KCNK10: variants seen among roughly 807,000 people sequenced by gnomAD.
KCNK10 encodes the protein potassium two pore domain channel subfamily K member 10.
Under a neutral mutation model 47.7 loss-of-function variants are expected in KCNK10, and 25 were observed. The observed-to-expected ratio is 0.52, with a 90% CI of 0.38 to 0.73. The LOEUF (loss-of-function observed/expected upper bound fraction) is 0.73. Ranked by LOEUF, KCNK10 falls within the 30% of genes least tolerant of loss-of-function variation. KCNK10 has a pLI of 0.00. For missense variants in KCNK10, 563 were observed against 714.5 expected, an observed-to-expected ratio of 0.79 and a Z score of 2.42; for synonymous variants, 303 against 285.6, an observed-to-expected ratio of 1.06 and a Z score of -0.61.
At chr14:88,223,111 TC>T (rs1391157727) in intron 4 of KCNK10, among the ~76,000 whole-genome samples, 4 of 152,102 alleles carry the variant, frequency 2.6e-5, no homozygotes, top group Non-Finnish European at 4.4e-5. Context: ...ACAAGAGCTA[TC>T]ATAAAAGACT....
At chr14:88,261,119 T>A (rs1887098728) in intron 2 of KCNK10, among the ~76,000 whole-genome samples, 1 of 152,226 alleles carries the variant, frequency 6.6e-6, no homozygotes, top group Non-Finnish European at 1.5e-5. Flanking sequence ...ATTTATCTAA[T>A]GGGCAATAAT....
In KCNK10 at chr14:88,260,783, T is replaced by G. The variant is rs555612182; in HGVS notation, c.402+2419A>C. Among the ~76,000 whole-genome samples, 54 of 152,298 alleles carry G rather than the reference T, an allele frequency of 3.5e-4. No individual in the cohort carries two copies. Among genetic ancestry groups the G allele is most frequent in the African/African-American group, 1.2e-3 (51 of 41,560 alleles). On this transcript the variant is annotated intron_variant, in intron 2 of 6. Coordinates refer to ENST00000319231, the MANE Select transcript of KCNK10 (RefSeq NM_138317.3). This position sits in a 1 kb window ranked among gnomAD's most constrained non-coding sequence, Gnocchi z 4.5. ...CCTAATAAAGAGCAGCTTTTTAAAT[T>G]GTTATAAAATTATCTTAAATGCACA...
chr14:88,316,588 A>G (rs1888435572), intron 1 of KCNK10, among the ~76,000 whole-genome samples: 1 of 152,228 alleles, frequency 6.6e-6, no homozygotes, highest in East Asian at 1.9e-4. Flanking sequence ...TAGATTCTGT[A>G]AACATGCCAT....
At chr14:88,262,566 T>C (rs1887140553) in intron 2 of KCNK10, among the ~76,000 whole-genome samples, 3 of 152,310 alleles carry the variant, frequency 2.0e-5, no homozygotes, top group Admixed American at 2.0e-4. Context: ...CAGTTCAAGT[T>C]CTCTGCTTCC....
At chr14:88,205,105 A>G (rs1174859271) in intron 4 of KCNK10, among the ~76,000 whole-genome samples, 1 of 152,074 alleles carries the variant, frequency 6.6e-6, no homozygotes, top group Non-Finnish European at 1.5e-5. Flanking sequence ...CATAGTTTAG[A>G]CTTTTCTAGA....
At position 88,182,816 on chromosome 14, in the gene KCNK10, C is replaced by A. The variant is rs1487149002; in HGVS notation, c.*2719G>T. 2 of 152,350 alleles carry A rather than the reference C, an allele frequency of 1.3e-5. No individual in the cohort carries two copies. The highest frequency in any genetic ancestry group is 3.7e-4 in the East Asian group (2 of 5,334). The allele number at this position is 152,350 out of a possible 1,614,324, so 9.4% of individuals were successfully genotyped here. On this transcript the variant is annotated 3_prime_UTR_variant, in exon 7 of 7. Transcript: ENST00000319231. Reference sequence around the variant, plus strand: ...TGAACTATTTTATTCCTGCTGTATGCAGAGTTTCTACAAAGTTAGCAAGTA... The same window carrying A: ...TGAACTATTTTATTCCTGCTGTATGAAGAGTTTCTACAAAGTTAGCAAGTA...
chr14:88,253,430 G>A (rs546405317), intron 2 of KCNK10, among the ~76,000 whole-genome samples: 24 of 152,144 alleles, frequency 1.6e-4, no homozygotes, highest in South Asian at 4.2e-4. Context: ...CTAATTTCCC[G>A]GATCTGATCA....
intron 2 of KCNK10, among the ~76,000 whole-genome samples, chr14:88,243,558 G>A (rs578074497): frequency 5.9e-5 from 9 of 152,318 alleles, no homozygotes; most frequent in Non-Finnish European, 1.0e-4. Context: ...GAGACCTCAC[G>A]AGAGATCATT....
intron 1 of KCNK10, among the ~76,000 whole-genome samples, chr14:88,319,153 A>C (rs1888489731): frequency 1.3e-5 from 2 of 152,184 alleles, no homozygotes; most frequent in South Asian, 4.1e-4. Flanking sequence ...GCCATAGCTC[A>C]CCAGAGATGA....
At chr14:88,250,577 C>A (rs1311165627) in intron 2 of KCNK10, among the ~76,000 whole-genome samples, 1 of 152,218 alleles carries the variant, frequency 6.6e-6, no homozygotes, top group Non-Finnish European at 1.5e-5. Context: ...ACTCTGAAGT[C>A]ACAACAAGGA....
intron 5 of KCNK10, among the ~76,000 whole-genome samples, chr14:88,191,101 A>G (rs1447446586): frequency 6.6e-6 from 1 of 151,932 alleles, no homozygotes; most frequent in Non-Finnish European, 1.5e-5. Context: ...AAAATAAAAA[A>G]TAGCCAGGCA....
chr14:88,207,859 G>A (rs952914090), intron 4 of KCNK10, among the ~76,000 whole-genome samples: 1 of 152,012 alleles, frequency 6.6e-6, no homozygotes, highest in African/African-American at 2.4e-5. Flanking sequence ...TTTGGGGGGG[G>A]TGTTGACCTC....
intron 1 of KCNK10, among the ~76,000 whole-genome samples, chr14:88,307,032 C>G (rs992849057): frequency 2.0e-5 from 3 of 152,154 alleles, no homozygotes; most frequent in African/African-American, 7.2e-5. Flanking sequence ...ACACCCATCT[C>G]TATAGAAATG....
chr14:88,291,271 T>C (rs1887870476), intron 1 of KCNK10, among the ~76,000 whole-genome samples: 1 of 152,162 alleles, frequency 6.6e-6, no homozygotes, highest in Non-Finnish European at 1.5e-5. Context: ...CTGCTTTATA[T>C]ACTGAGCTTC....
intron 1 of KCNK10, among the ~76,000 whole-genome samples, chr14:88,312,446 C>T (rs142605915): frequency 7.9e-5 from 12 of 152,338 alleles, no homozygotes; most frequent in Admixed American, 5.2e-4. Flanking sequence ...TGCCGACTTG[C>T]GTTTCAGTCA....
intron 4 of KCNK10, among the ~76,000 whole-genome samples, chr14:88,199,532 G>T (rs1044825093): frequency 3.3e-5 from 5 of 152,166 alleles, no homozygotes; most frequent in Non-Finnish European, 7.4e-5. Context: ...CAAGGGGAGA[G>T]CAGTGTTAGG....
At chr14:88,258,124 T>C (rs772197731) in intron 2 of KCNK10, among the ~76,000 whole-genome samples, 2 of 151,976 alleles carry the variant, frequency 1.3e-5, no homozygotes, top group Non-Finnish European at 2.9e-5. Flanking sequence ...TAAAGAACAG[T>C]AGCAGCAATA....
chr14:88,288,828 G>A (rs563961136), intron 1 of KCNK10, among the ~76,000 whole-genome samples: 1 of 152,276 alleles, frequency 6.6e-6, no homozygotes, highest in African/African-American at 2.4e-5. Context: ...GGGCCTTACA[G>A]GGTAGCTCCC....
intron 2 of KCNK10, among the ~76,000 whole-genome samples, chr14:88,262,440 C>T (rs767129996): frequency 3.9e-5 from 6 of 152,168 alleles, no homozygotes; most frequent in South Asian, 2.1e-4. Context: ...TCCAGTCCCT[C>T]GCACCGCAGC....
Sources: allele counts gnomAD v4.1 joint callset (sites outside exome capture counted in the v4.1 genomes callset), GRCh38; gene constraint gnomAD v4.1.1; non-coding constraint Gnocchi (gnomAD v3.1); transcripts MANE v1.5; gene names NCBI Gene and HGNC (gene_info 2026-07-23, HGNC 2026-07-21).